The following DSCAM variants were observed in gnomAD, a reference collection of about 807,000 sequenced individuals.
The protein encoded by DSCAM is cell adhesion molecule DSCAM.
In DSCAM, 47 loss-of-function variants were observed where a neutral mutation model predicts 217.7. The observed-to-expected ratio is 0.22, with a 90% CI of 0.17 to 0.28. The LOEUF is 0.28. Ranked by LOEUF, DSCAM falls within the 10% of genes least tolerant of loss-of-function variation. The pLI, the probability that DSCAM is intolerant of heterozygous loss-of-function variation, is 1.00. For synonymous variants in DSCAM, 1,056 were observed against 1,015.3 expected (o/e 1.04, Z -0.76); for missense variants, 2,080 against 2,618.3 (o/e 0.79, Z 4.49).
At chr21:40,807,243 T>C (rs1485409313) in intron 1 of DSCAM, among the ~76,000 whole-genome samples, 2 of 152,212 alleles carry the variant, frequency 1.3e-5, no homozygotes, top group Non-Finnish European at 2.9e-5. Context: ...CACGTAACCA[T>C]ATAGTGTCCA....
chr21:40,843,943 C>T (rs767236003), intron 1 of DSCAM, among the ~76,000 whole-genome samples: 1 of 150,848 alleles, frequency 6.6e-6, no homozygotes, highest in Non-Finnish European at 1.5e-5. Flanking sequence ...TTTTAATAGC[C>T]CCAAATATTA....
intron 3 of DSCAM, among the ~76,000 whole-genome samples, chr21:40,516,888 C>CATATATATATATATATATATAT (rs55695954): frequency 7.0e-6 from 1 of 143,476 alleles, no homozygotes; most frequent in African/African-American, 2.5e-5. Context: ...ACACACACAC[C>CATATATATATATATATATATAT]ATATATATAT....
At chr21:40,053,410 G>A (rs958213335) in intron 29 of DSCAM, among the ~76,000 whole-genome samples, 6 of 152,192 alleles carry the variant, frequency 3.9e-5, no homozygotes, top group African/African-American at 1.2e-4. Flanking sequence ...CAGCACGAGA[G>A]GCTCCGTGTC....
At chr21:40,114,097 A>G (rs1294015752) in intron 20 of DSCAM, among the ~76,000 whole-genome samples, 1 of 151,302 alleles carries the variant, frequency 6.6e-6, no homozygotes, top group Non-Finnish European at 1.5e-5. Flanking sequence ...AAGAGCCCGC[A>G]TCGCCAAGTC....
chr21:40,627,894 A>G (rs901231862), intron 3 of DSCAM, among the ~76,000 whole-genome samples: 2 of 152,204 alleles, frequency 1.3e-5, no homozygotes, highest in Non-Finnish European at 2.9e-5. Flanking sequence ...ATTCTTGGAC[A>G]GAGTTTTTCT....
chr21:40,370,514 T>C (rs924190749), intron 3 of DSCAM, among the ~76,000 whole-genome samples: 1 of 152,210 alleles, frequency 6.6e-6, no homozygotes, highest in Non-Finnish European at 1.5e-5. Flanking sequence ...CTTAGCTTCA[T>C]TGCTTTTGAG....
At chr21:40,779,971 T>C (rs1458095284) in intron 1 of DSCAM, among the ~76,000 whole-genome samples, 2 of 152,214 alleles carry the variant, frequency 1.3e-5, no homozygotes, top group African/African-American at 4.8e-5. Context: ...AGACACCTGA[T>C]GTACAGATCA....
chr21:40,807,164 C>T (rs2091795863), intron 1 of DSCAM, among the ~76,000 whole-genome samples: 1 of 151,902 alleles, frequency 6.6e-6, no homozygotes, highest in Non-Finnish European at 1.5e-5. Context: ...ATAGGAGAAA[C>T]GTAATATAAG....
chr21:40,461,551 G>C (rs977909393), intron 3 of DSCAM, among the ~76,000 whole-genome samples: 2 of 152,054 alleles, frequency 1.3e-5, no homozygotes, highest in Non-Finnish European at 1.5e-5. Flanking sequence ...GGGTCTGGGG[G>C]GAGGCAGGTG....
In DSCAM at chr21:40,676,326, C is replaced by T. The variant is rs2090337470; in HGVS notation, c.508+16484G>A. Among the ~76,000 whole-genome samples the T allele has an allele frequency of 1.3e-5, 2 of 152,144 alleles. 1 individual carries two copies. The highest frequency in any genetic ancestry group is 1.3e-4 in the Admixed American group (2 of 15,278). ...CAACTAAGCATGTGCAGAGTCCTAT[C>T]AAAGTCATGCATCAGGCCTCGCGGA... On this transcript the variant is annotated intron_variant, in intron 3 of 32. Transcript: ENST00000400454.
chr21:40,082,666 T>TA (rs1214786150), intron 24 of DSCAM, among the ~76,000 whole-genome samples: 2 of 147,882 alleles, frequency 1.4e-5, no homozygotes, highest in Admixed American at 6.8e-5. Context: ...ACCACGATTT[T>TA]AAAAAAATCA....
intron 3 of DSCAM, among the ~76,000 whole-genome samples, chr21:40,675,033 G>A (rs368160562): frequency 2.7e-4 from 16 of 58,348 alleles, no homozygotes; most frequent in Non-Finnish European, 6.9e-4. Context: ...ACACACACAT[G>A]CACGCGCACA....
chr21:40,556,689 A>G (rs1304877777), intron 3 of DSCAM, among the ~76,000 whole-genome samples: 1 of 152,054 alleles, frequency 6.6e-6, no homozygotes, highest in East Asian at 1.9e-4. Flanking sequence ...ATCTTTTTAA[A>G]TATCAGCTCT....
intron 8 of DSCAM, among the ~76,000 whole-genome samples, chr21:40,334,149 G>A (rs2074404958): frequency 6.6e-6 from 1 of 152,088 alleles, no homozygotes; most frequent in Non-Finnish European, 1.5e-5. Context: ...AGTCCCCTGA[G>A]GGTCCTGTTC....
intron 3 of DSCAM, among the ~76,000 whole-genome samples, chr21:40,620,882 G>A (rs140740089): frequency 3.9e-4 from 60 of 152,290 alleles, no homozygotes; most frequent in African/African-American, 1.4e-3. Context: ...CAATAAACCG[G>A]GTTCCATTTA....
At chr21:40,092,934 T>A (rs940667788) in intron 21 of DSCAM, among the ~76,000 whole-genome samples, 1 of 152,212 alleles carries the variant, frequency 6.6e-6, no homozygotes, top group Non-Finnish European at 1.5e-5. Flanking sequence ...AGCACATTTT[T>A]CAGAGAATTC....
chr21:40,012,142 G>T lies in DSCAM; in HGVS notation c.*892C>A, dbSNP rs1489218113. On this transcript the variant is annotated 3_prime_UTR_variant, in exon 33 of 33. Transcript: ENST00000400454. ...TCAGTTGAACTCTGGCCATGGGCAG[G>T]CAAGGGGCAGAGCTTTGCGACGGGC... 6.6e-6 allele frequency: 1 copy of T among 152,238 alleles called. No individual in the cohort carries two copies. Among genetic ancestry groups the T allele is most frequent in the Non-Finnish European group, 1.5e-5 (1 of 68,050 alleles). 9.4% of individuals were successfully genotyped at this position (152,238 alleles called of 1,614,324 possible).
chr21:40,122,429 G>C (rs1299380368), intron 20 of DSCAM, among the ~76,000 whole-genome samples: 2 of 152,196 alleles, frequency 1.3e-5, no homozygotes, highest in Admixed American at 1.3e-4. Context: ...ATCAATGAAT[G>C]AATGAGTGAA....
intron 3 of DSCAM, among the ~76,000 whole-genome samples, chr21:40,559,660 G>A (rs989360946): frequency 1.3e-5 from 2 of 152,030 alleles, no homozygotes; most frequent in South Asian, 2.1e-4. Context: ...TCAATGATTC[G>A]GGACCTATAA....
Sources: gnomAD v4.1 joint callset for allele counts (sites outside exome capture counted in the v4.1 genomes callset) on GRCh38, gnomAD v4.1.1 for gene constraint, MANE v1.5 for transcripts, NCBI Gene and HGNC (gene_info 2026-07-23, HGNC 2026-07-21) for gene names.